ELP4: variants seen among roughly 807,000 people sequenced by gnomAD.
The protein encoded by ELP4 is elongator acetyltransferase complex subunit 4, also known as elongator complex protein 4.
Under a neutral mutation model 48.9 loss-of-function variants are expected in ELP4, and 51 were observed. The observed-to-expected ratio is 1.04, with a 90% CI of 0.83 to 1.32. The LOEUF (loss-of-function observed/expected upper bound fraction) is 1.32, where lower values mean the gene tolerates loss of function less well. Ranked by LOEUF, ELP4 falls within the 40% of genes most tolerant of loss-of-function variation. The pLI, the probability that ELP4 is intolerant of heterozygous loss-of-function variation, is 0.00. For missense variants in ELP4, 519 were observed against 514.6 expected, an observed-to-expected ratio of 1.01 and a Z score of -0.08; for synonymous variants, 210 against 189.2, an observed-to-expected ratio of 1.11 and a Z score of -0.90.
chr11:31,564,501 G>A (rs1238458575), intron 3 of ELP4, among the ~76,000 whole-genome samples: 1 of 151,670 alleles, frequency 6.6e-6, no homozygotes, highest in Non-Finnish European at 1.5e-5. Context: ...TTTACATTAG[G>A]TATATCTCCT....
chr11:31,522,471 G>A (rs1298439422), intron 2 of ELP4, among the ~76,000 whole-genome samples: 2 of 152,024 alleles, frequency 1.3e-5, no homozygotes, highest in Non-Finnish European at 2.9e-5. Context: ...TTATATAGAT[G>A]TACTACTTCA....
chr11:31,653,127 C>G (rs1945358470), intron 9 of ELP4: 1 of 151,618 alleles, frequency 6.6e-6, no homozygotes, highest in African/African-American at 2.4e-5. Context: ...AAATATTTAT[C>G]TAATCAGAGT....
At chr11:31,707,658 CAT>C (rs1946661899) in intron 9 of ELP4, among the ~76,000 whole-genome samples, 1 of 152,078 alleles carries the variant, frequency 6.6e-6, no homozygotes, top group South Asian at 2.1e-4. Flanking sequence ...CTTAAAATAA[CAT>C]AAATTATTTC....
chr11:31,561,220 C>T (rs1283662100), intron 3 of ELP4, among the ~76,000 whole-genome samples: 1 of 152,074 alleles, frequency 6.6e-6, no homozygotes, highest in Non-Finnish European at 1.5e-5. Flanking sequence ...TATTAACCCT[C>T]TATAGTTGTA....
At chr11:31,537,931 T>C (rs1956527953) in intron 2 of ELP4, among the ~76,000 whole-genome samples, 1 of 152,224 alleles carries the variant, frequency 6.6e-6, no homozygotes, top group African/African-American at 2.4e-5. Context: ...GGAATTTTTA[T>C]TGGGATTCCA....
intron 9 of ELP4, among the ~76,000 whole-genome samples, chr11:31,693,151 C>G (rs10835808): frequency 0.64 from 96,520 of 151,808 alleles, 33,110 homozygotes; most frequent in Non-Finnish European, 0.76. Context: ...ATCTTAAACT[C>G]GTTTTTTTAT....
intron 2 of ELP4, among the ~76,000 whole-genome samples, chr11:31,537,739 G>A (rs1415892547): frequency 6.6e-6 from 1 of 151,990 alleles, no homozygotes; most frequent in African/African-American, 2.4e-5. Context: ...CGGCACCAAA[G>A]GGGAAATCCA....
chr11:31,510,593 T>C (rs1312876984), intron 1 of ELP4: 1 of 392,224 alleles, frequency 2.5e-6, no homozygotes, highest in Non-Finnish European at 4.5e-6. Context: ...GATATTTAGA[T>C]AGTGTCTGCG....
rs1287721867 is a variant in ELP4, at chr11:31,788,757, A to T, written c.*5233A>T. ...GGGCACAGATCTACACCCTGCTGTA[A>T]GTGGAATTTTTTTCTAACACGTTTT... On this transcript the variant is annotated 3_prime_UTR_variant, in exon 10 of 10. Coordinates refer to ENST00000640961, the MANE Select transcript of ELP4 (RefSeq NM_019040.5). 9.5e-5 allele frequency: 20 copies of T among 209,494 alleles called. No individual in the cohort carries two copies. The highest frequency in any genetic ancestry group is 1.9e-4 in the Non-Finnish European group (20 of 102,600). 13.0% of individuals were successfully genotyped at this position (209,494 alleles called of 1,614,324 possible).
chr11:31,745,278 G>A (rs911869557), intron 9 of ELP4, among the ~76,000 whole-genome samples: 7 of 152,070 alleles, frequency 4.6e-5, no homozygotes, highest in Non-Finnish European at 1.0e-4. Flanking sequence ...ATGCTCATGG[G>A]TAGGAAGAAT....
chr11:31,747,033 CTGTGTGTGTGTGTGTGTGTGTT>C (rs1340258637), intron 9 of ELP4, among the ~76,000 whole-genome samples: 1 of 149,954 alleles, frequency 6.7e-6, no homozygotes, highest in African/African-American at 2.4e-5. Context: ...CAGACTAACA[CTGTGTGTGTGTGTGTGTGTGTT>C]TGTGTGTGTC....
intron 9 of ELP4, among the ~76,000 whole-genome samples, chr11:31,673,102 C>T (rs1367800887): frequency 6.6e-6 from 1 of 151,120 alleles, no homozygotes; most frequent in African/African-American, 2.4e-5. Context: ...CTGCAACCTC[C>T]GCCTTCTGGG....
At chr11:31,565,782 T>C (rs1032843461) in intron 3 of ELP4, among the ~76,000 whole-genome samples, 1 of 152,094 alleles carries the variant, frequency 6.6e-6, no homozygotes, top group Non-Finnish European at 1.5e-5. Context: ...TGTAGCCTTG[T>C]AGTATAGTTT....
At chr11:31,598,143 A>T (rs1182723151) in intron 4 of ELP4, among the ~76,000 whole-genome samples, 1 of 151,276 alleles carries the variant, frequency 6.6e-6, no homozygotes, top group Non-Finnish European at 1.5e-5. Flanking sequence ...TTTAATAGAG[A>T]TGGGGTTTCA....
chr11:31,784,663 A>T lies in ELP4; in HGVS notation c.*1139A>T, dbSNP rs1948466642. ...TAGCATTTTTAAGCAGCTTGCTTTTAATATACCACAAATTATACTTTATTT... is the reference window on the plus strand; with the variant it reads ...TAGCATTTTTAAGCAGCTTGCTTTTTATATACCACAAATTATACTTTATTT... On this transcript the variant is annotated 3_prime_UTR_variant, in exon 10 of 10. Coordinates refer to ENST00000640961, the MANE Select transcript of ELP4 (RefSeq NM_019040.5). 3 of 156,352 alleles carry T rather than the reference A, an allele frequency of 1.9e-5. No individual in the cohort carries two copies. The South Asian group carries it at 6.2e-4, about 32-fold the overall frequency. The allele number at this position is 156,352 out of a possible 1,614,324, so 9.7% of individuals were successfully genotyped here.
chr11:31,515,033 G>GTATA (rs10676705), intron 1 of ELP4, among the ~76,000 whole-genome samples: 15,665 of 133,600 alleles, frequency 0.12, 1,058 homozygotes, highest in Non-Finnish European at 0.15. Flanking sequence ...GTGTGTGTGT[G>GTATA]TATATATATA....
At chr11:31,533,162 C>A (rs888284196) in intron 2 of ELP4, among the ~76,000 whole-genome samples, 1 of 151,958 alleles carries the variant, frequency 6.6e-6, no homozygotes, top group Non-Finnish European at 1.5e-5. Context: ...AGCATTGTAC[C>A]CAATAGGTAG....
rs533655633 is a variant in ELP4 at position 31,535,466 on chromosome 11, C to T, written c.260-4196C>T. Among the ~76,000 whole-genome samples the T allele has an allele frequency of 9.9e-5, 15 of 152,224 alleles. No homozygotes were observed. The South Asian group carries it at 3.1e-3, about 32-fold the overall frequency. ...CAAGGGATCCTCCCACCTCAGCCTC[C>T]CAAGTAGCTAGGACTACCAGTGCAC... is the stretch of plus-strand genomic sequence containing the variant. On this transcript the variant is annotated intron_variant, in intron 2 of 9. Coordinates refer to ENST00000640961, the MANE Select transcript of ELP4 (RefSeq NM_019040.5).
At chr11:31,720,393 C>T (rs916067560) in intron 9 of ELP4, among the ~76,000 whole-genome samples, 1 of 151,946 alleles carries the variant, frequency 6.6e-6, no homozygotes, top group Admixed American at 6.6e-5. Flanking sequence ...TCTGCCCAGT[C>T]CCAAGATAGT....
Sources: allele counts gnomAD v4.1 joint callset (sites outside exome capture counted in the v4.1 genomes callset), GRCh38; gene constraint gnomAD v4.1.1; transcripts MANE v1.5; gene names NCBI Gene and HGNC (gene_info 2026-07-23, HGNC 2026-07-21).